FAM124B: variants seen among roughly 807,000 people sequenced by gnomAD.
FAM124B encodes family with sequence similarity 124 member B.
FAM124B carries 18 observed loss-of-function variants against 19.7 expected under a neutral mutation model. The observed-to-expected ratio is 0.92, with a 90% CI of 0.63 to 1.36. The LOEUF is 1.36. Among genes scored for constraint, FAM124B ranks in the 40% most tolerant of loss-of-function variants. The pLI is 0.00. For synonymous variants in FAM124B, 223 were observed against 225.2 expected (o/e 0.99, Z 0.09); for missense variants, 540 against 553.3 (o/e 0.98, Z 0.24).
chr2:224,396,459 G>A (rs1036538267), intron 1 of FAM124B, among the ~76,000 whole-genome samples: 3 of 152,114 alleles, frequency 2.0e-5, no homozygotes, highest in African/African-American at 4.8e-5. Context: ...CTGCACACAC[G>A]CCTCCATCCT....
In FAM124B at chr2:224,379,961, G is replaced by A; in HGVS notation, c.980C>T (p.Ala327Val). The change falls in exon 2 of 2, where the codon GCT (alanine) becomes GTT (valine). Residue 327 changes from alanine (A) to valine (V), a missense_variant. Physicochemically the swap from Ala to Val is moderately conservative, Grantham distance 64. Transcript: ENST00000409685. ...AGACAGGTGCAGGTGGGCACCCATA[G>A]CTGGGCTGCTGACCTGGAATGACCG... Reference protein sequence around the residue: ...PGRSFQVSSPAMGAHLHLSSH... With the variant: ...PGRSFQVSSPVMGAHLHLSSH... 2 of 1,551,764 alleles carry A rather than the reference G, an allele frequency of 1.3e-6. No individual in the cohort carries two copies.
chr2:224,380,266 G>A, intron 1 of FAM124B, 58 bp from the exon 2 acceptor site: 1 of 1,442,258 alleles, frequency 6.9e-7, no homozygotes, highest in Non-Finnish European at 9.3e-7. Flanking sequence ...TAAGTGCCAA[G>A]AGCTGACTAT....
chr2:224,400,950 T>A (rs1277854367), intron 1 of FAM124B, 87 bp downstream of exon 1: 1 of 1,483,908 alleles, frequency 6.7e-7, no homozygotes, highest in Non-Finnish European at 9.0e-7. Context: ...TGCAACCAAG[T>A]CTGAGAACCA....
At position 224,401,172 on chromosome 2, in the gene FAM124B, G is replaced by A. The variant is rs138469734; in HGVS notation, c.597C>T (p.Pro199=). 3 of 1,614,054 alleles carry A rather than the reference G, an allele frequency of 1.9e-6. No individual in the cohort carries two copies. Among genetic ancestry groups the A allele is most frequent in the African/African-American group, 2.7e-5 (2 of 74,908 alleles). ...KQLPPGMSVD[P]KESSVLQFKV... Reference sequence around the variant, plus strand: ...TAAACTGCAGCACCGAAGACTCTTTGGGGTCCACTGACATTCCCGGGGGCA... The same window carrying A: ...TAAACTGCAGCACCGAAGACTCTTTAGGGTCCACTGACATTCCCGGGGGCA... The change falls in exon 1 of 2, where the codon CCC becomes CCT. Residue 199 remains proline, a synonymous_variant. Coordinates refer to ENST00000409685, the MANE Select transcript of FAM124B (RefSeq NM_001122779.2).
intron 1 of FAM124B, among the ~76,000 whole-genome samples, chr2:224,398,808 T>G (rs1424515758): frequency 6.6e-6 from 1 of 152,110 alleles, no homozygotes; most frequent in African/African-American, 2.4e-5. Context: ...AAACCCCATC[T>G]CCACTAAAAA....
chr2:224,384,572 C>T (rs1689772705), intron 1 of FAM124B, among the ~76,000 whole-genome samples: 1 of 152,192 alleles, frequency 6.6e-6, no homozygotes, highest in South Asian at 2.1e-4. Context: ...CCCAGGCTAC[C>T]CGCCAGTCTG....
intron 1 of FAM124B, among the ~76,000 whole-genome samples, 166 bp from the exon 2 acceptor site, chr2:224,380,374 T>G (rs908989721): frequency 6.6e-6 from 1 of 152,176 alleles, no homozygotes; most frequent in African/African-American, 2.4e-5. Context: ...TTATGAGATA[T>G]CTAATCAGAC....
intron 1 of FAM124B, among the ~76,000 whole-genome samples, chr2:224,396,937 C>T (rs968476478): frequency 1.1e-4 from 16 of 152,228 alleles, no homozygotes; most frequent in South Asian, 2.1e-4. Flanking sequence ...ATCCTGAGCA[C>T]ACTGTGTAAG....
rs1396709063 is a variant in FAM124B at position 224,379,412 on chromosome 2, C to CT, written c.*160dup. 6 of 1,044,616 alleles carry CT rather than the reference C, an allele frequency of 5.7e-6. No individual in the cohort carries two copies. The highest frequency in any genetic ancestry group is 1.6e-5 in the African/African-American group (1 of 61,948). The allele number at this position is 1,044,616 out of a possible 1,614,324, so 64.7% of individuals were successfully genotyped here. On this transcript the variant is annotated 3_prime_UTR_variant, in exon 2 of 2. Transcript: ENST00000409685. ...GCAAATAAACAATCATTCCCAGCAC[C>CT]TTTAGACTTTGAACATTTGAAATAA... is the stretch of plus-strand genomic sequence containing the variant.
rs1198920757 is a variant in FAM124B, at chr2:224,401,826, T to C, written c.-58A>G. 9 of 1,546,634 alleles carry C rather than the reference T, an allele frequency of 5.8e-6. No homozygotes were observed. The East Asian group carries it at 1.6e-4, about 27-fold the overall frequency. ...TGTGTAGAAGGCCCACTGTTCAAGT[T>C]TCTGAAATGAATGAAGAAGCGGCCC... On this transcript the variant is annotated 5_prime_UTR_variant, in exon 1 of 2. Coordinates refer to ENST00000409685, the MANE Select transcript of FAM124B (RefSeq NM_001122779.2).
chr2:224,398,239 G>A (rs1368135976), intron 1 of FAM124B, among the ~76,000 whole-genome samples: 10 of 152,006 alleles, frequency 6.6e-5, no homozygotes, highest in East Asian at 1.9e-4. Flanking sequence ...CTGGGACTAC[G>A]GGTGCACACC....
chr2:224,392,999 T>A (rs1186139486), intron 1 of FAM124B, among the ~76,000 whole-genome samples: 1 of 152,234 alleles, frequency 6.6e-6, no homozygotes, highest in Non-Finnish European at 1.5e-5. Flanking sequence ...ATGTGGCGAA[T>A]GGCCACCGTA....
At chr2:224,396,420 C>T (rs183363856) in intron 1 of FAM124B, among the ~76,000 whole-genome samples, 64 of 152,350 alleles carry the variant, frequency 4.2e-4, no homozygotes, top group Non-Finnish European at 2.2e-4. Flanking sequence ...TGCCCCTCCT[C>T]GGCCTAGCTC....
intron 1 of FAM124B, among the ~76,000 whole-genome samples, chr2:224,388,694 C>T (rs912913844): frequency 3.3e-5 from 5 of 152,060 alleles, no homozygotes; most frequent in Non-Finnish European, 5.9e-5. Flanking sequence ...ATCGTACCCT[C>T]GAAAAATAGT....
chr2:224,400,541 T>C (rs562246968), intron 1 of FAM124B: 190 of 684,450 alleles, frequency 2.8e-4, no homozygotes, highest in Middle Eastern at 1.0e-3. Flanking sequence ...AAAAAAACCA[T>C]ATCTAAACAT....
At chr2:224,397,482 CAG>C (rs1689992929) in intron 1 of FAM124B, among the ~76,000 whole-genome samples, 1 of 152,128 alleles carries the variant, frequency 6.6e-6, no homozygotes, top group Admixed American at 6.5e-5. Context: ...CATTGCTGAA[CAG>C]ATACCTGAAA....
intron 1 of FAM124B, among the ~76,000 whole-genome samples, chr2:224,397,520 TA>T (rs1182513905): frequency 5.9e-5 from 9 of 152,120 alleles, no homozygotes; most frequent in African/African-American, 2.2e-4. Flanking sequence ...TGGAACTGGG[TA>T]ACAGGCAGAG....
At chr2:224,399,012 C>T (rs1404263870) in intron 1 of FAM124B, among the ~76,000 whole-genome samples, 1 of 152,194 alleles carries the variant, frequency 6.6e-6, no homozygotes, top group Non-Finnish European at 1.5e-5. Flanking sequence ...GCCCCATTCA[C>T]ACCTGAGAAG....
Position 224,380,132 on chromosome 2 carries a change from G to C in FAM124B, c.809C>G (p.Thr270Ser). The C allele has an allele frequency of 6.4e-7, 1 of 1,551,702 alleles. No homozygotes were observed. The highest frequency in any genetic ancestry group is 8.7e-7 in the Non-Finnish European group (1 of 1,147,000). The change falls in exon 2 of 2, where the codon ACT becomes AGT. Residue 270 changes from threonine (T) to serine (S), a missense_variant. By Grantham distance (58) the Thr-to-Ser change is moderately conservative. Transcript: ENST00000409685. ...AGMLPLGSRL[T>S]SVSAKRTSEP... ...TGAGGTCCTCTTTGCAGAGACAGAA[G>C]TCAGCCTGGAGCCCAGGGGAAGCAT...
Sources: allele counts gnomAD v4.1 joint callset (sites outside exome capture counted in the v4.1 genomes callset), GRCh38; gene constraint gnomAD v4.1.1; transcripts MANE v1.5; gene names NCBI Gene and HGNC (gene_info 2026-07-23, HGNC 2026-07-21).